Variants in APOE observed in about 807,000 individuals in gnomAD.
The protein encoded by APOE is apolipoprotein E3.
APOE carries 10 observed loss-of-function variants against 13.1 expected under a neutral mutation model. The observed-to-expected ratio is 0.76, with a 90% CI of 0.47 to 1.29. APOE has a LOEUF of 1.29. Ranked by LOEUF, APOE falls within the 50% of genes most tolerant of loss-of-function variation. The probability of loss-of-function intolerance (pLI) is 0.00; values close to 1 mark genes in which losing one functional copy is unlikely to be tolerated. For missense variants in APOE, 471 were observed against 459.6 expected, an observed-to-expected ratio of 1.02 and a Z score of -0.23; for synonymous variants, 211 against 207.1, an observed-to-expected ratio of 1.02 and a Z score of -0.16.
intron 3 of APOE, 144 bp downstream of exon 3, chr19:44,908,096 T>C (rs1969844509): frequency 1.3e-6 from 1 of 783,494 alleles, no homozygotes; most frequent in African/African-American, 1.7e-5. Context: ...TTCTGACTCC[T>C]GGCTTTAGCT....
rs758487955 is a variant in APOE, at chr19:44,909,195, A to G, written c.899A>G (p.Lys300Arg). 1.3e-6 allele frequency: 2 copies of G among 1,598,584 alleles called. No homozygotes were observed. Among genetic ancestry groups the G allele is most frequent in the South Asian group, 2.2e-5 (2 of 90,794 alleles). The change falls in exon 4 of 4, where the codon AAG becomes AGG. Residue 300 changes from lysine to arginine, a missense_variant. Physicochemically the swap from Lys to Arg is conservative, Grantham distance 26 (BLOSUM62 2). Coordinates refer to ENST00000252486, the MANE Select transcript of APOE (RefSeq NM_000041.4). ...MQRQWAGLVE[K>R]VQAAVGTSAA... ...CGCCAGTGGGCCGGGCTGGTGGAGA[A>G]GGTGCAGGCTGCCGTGGGCACCAGC...
At chr19:44,906,037 G>T in intron 1 of APOE, 196 bp downstream of exon 1, 2 of 685,624 alleles carry the variant, frequency 2.9e-6, no homozygotes, top group Non-Finnish European at 4.2e-6. Flanking sequence ...GACCCGACCC[G>T]CTAGAAGGTG....
chr19:44,907,820 A>C lies in APOE; in HGVS notation c.104A>C (p.Gln35Pro). The part of the protein sequence containing the change: ...ETEPEPELRQ[Q>P]TEWQSGQRWE... ...GAGCCGGAGCCCGAGCTGCGCCAGC[A>C]GACCGAGTGGCAGAGCGGCCAGCGC... The change falls in exon 3 of 4, where the codon CAG (glutamine) becomes CCG (proline). Residue 35 changes from glutamine (Q) to proline (P), a missense_variant. Coordinates refer to ENST00000252486, the MANE Select transcript of APOE (RefSeq NM_000041.4). This position sits in a 1 kb window ranked among gnomAD's most constrained non-coding sequence, Gnocchi z 4.1. 4 of 1,614,010 alleles carry C rather than the reference A, an allele frequency of 2.5e-6. No homozygotes were observed. The highest frequency in any genetic ancestry group is 1.1e-5 in the South Asian group (1 of 91,080).
Position 44,907,867 on chromosome 19 carries a change from T to A in APOE, c.151T>A (p.Phe51Ile). 6.2e-7 allele frequency: 1 copy of A among 1,613,434 alleles called. No individual in the cohort carries two copies. The highest frequency in any genetic ancestry group is 8.5e-7 in the Non-Finnish European group (1 of 1,179,670). Reference sequence around the variant, plus strand: ...GCGCTGGGAACTGGCACTGGGTCGCTTTTGGGATTACCTGCGCTGGGTGCA... The same window carrying A: ...GCGCTGGGAACTGGCACTGGGTCGCATTTGGGATTACCTGCGCTGGGTGCA... ...GQRWELALGR[F>I]WDYLRWVQTL... Residue 51 changes from phenylalanine (F) to isoleucine (I), a missense_variant, in exon 3 of 4, where the codon TTT (phenylalanine) becomes ATT (isoleucine). By Grantham distance (21) the Phe-to-Ile change is conservative. Transcript: ENST00000252486. The surrounding 1 kb of genome is among the most constrained non-coding windows in gnomAD (Gnocchi z 4.1).
Position 44,908,813 on chromosome 19 carries a change from C to A in APOE, c.517C>A (p.Leu173Met). The A allele has an allele frequency of 6.5e-7, 1 of 1,544,486 alleles. No individual in the cohort carries two copies. Residue 173 changes from leucine to methionine, a missense_variant, in exon 4 of 4, where the codon CTG (leucine) becomes ATG (methionine). Coordinates refer to ENST00000252486, the MANE Select transcript of APOE (RefSeq NM_000041.4). ...GCGGCTCCTCCGCGATGCCGATGACCTGCAGAAGCGCCTGGCAGTGTACCA... is the reference window on the plus strand; with the variant it reads ...GCGGCTCCTCCGCGATGCCGATGACATGCAGAAGCGCCTGGCAGTGTACCA... ...RKRLLRDADD[L>M]QKRLAVYQAG...
chr19:44,909,390 C>T lies in APOE; in HGVS notation c.*140C>T. ...TTTAATAAAGATTCACCAAGTTTCA[C>T]GCATCTGCTGGCCTCCCCCTGTGAT... is the stretch of plus-strand genomic sequence containing the variant. On this transcript the variant is annotated 3_prime_UTR_variant, in exon 4 of 4. Transcript: ENST00000252486. The T allele has an allele frequency of 5.2e-6, 4 of 771,862 alleles. No homozygotes were observed. Among genetic ancestry groups the T allele is most frequent in the South Asian group, 1.6e-5 (1 of 62,388 alleles). The allele number at this position is 771,862 out of a possible 1,614,324, so 47.8% of individuals were successfully genotyped here.
chr19:44,908,916 G>C lies in APOE; in HGVS notation c.620G>C (p.Arg207Pro), dbSNP rs1459489355. The change falls in exon 4 of 4, where the codon CGC becomes CCC. Residue 207 changes from arginine (R) to proline (P), a missense_variant. Arg to Pro is a moderately radical substitution (Grantham distance 103). Coordinates refer to ENST00000252486, the MANE Select transcript of APOE (RefSeq NM_000041.4). ...ERLGPLVEQG[R>P]VRAATVGSLA... is the part of the protein sequence containing the mutation. Reference sequence around the variant, plus strand: ...CTGGGGCCCCTGGTGGAACAGGGCCGCGTGCGGGCCGCCACTGTGGGCTCC... The same window carrying C: ...CTGGGGCCCCTGGTGGAACAGGGCCCCGTGCGGGCCGCCACTGTGGGCTCC... The C allele has an allele frequency of 6.8e-7, 1 of 1,470,416 alleles. No homozygotes were observed. The highest frequency in any genetic ancestry group is 1.3e-5 in the South Asian group (1 of 74,196). 91.1% of individuals were successfully genotyped at this position (1,470,416 alleles called of 1,614,324 possible). A position where few individuals can be genotyped will look rare whatever the true frequency, so the allele number is the denominator to read the frequency against.
At position 44,909,186 on chromosome 19, in the gene APOE, T is replaced by C. The variant is rs1039600156; in HGVS notation, c.890T>C (p.Leu297Pro). 4.4e-6 allele frequency: 7 copies of C among 1,599,286 alleles called. No homozygotes were observed. In the African/African-American group the frequency reaches 5.3e-5, roughly 12 times the overall value. The change falls in exon 4 of 4, where the codon CTG becomes CCG. Residue 297 changes from leucine (L) to proline (P), a missense_variant. Leu to Pro is a moderately conservative substitution (Grantham distance 98). Coordinates refer to ENST00000252486, the MANE Select transcript of APOE (RefSeq NM_000041.4). ...GACATGCAGCGCCAGTGGGCCGGGC[T>C]GGTGGAGAAGGTGCAGGCTGCCGTG... ...VEDMQRQWAG[L>P]VEKVQAAVGT...
intron 1 of APOE, 109 bp from the exon 2 acceptor site, chr19:44,906,493 T>C (rs1173370916): frequency 1.5e-5 from 17 of 1,122,738 alleles, no homozygotes; most frequent in Non-Finnish European, 2.2e-5. Flanking sequence ...CTGTTGCAGA[T>C]AATGCAACAA....
Position 44,908,829 on chromosome 19 carries a change from C to T in APOE, c.533C>T (p.Ala178Val). 1 of 1,537,614 alleles carries T rather than the reference C, an allele frequency of 6.5e-7. No individual in the cohort carries two copies. The change falls in exon 4 of 4, where the codon GCA becomes GTA. Residue 178 changes from alanine (A) to valine (V), a missense_variant. Ala to Val is a moderately conservative substitution (Grantham distance 64, BLOSUM62 0). Coordinates refer to ENST00000252486, the MANE Select transcript of APOE (RefSeq NM_000041.4). ...GCCGATGACCTGCAGAAGCGCCTGGCAGTGTACCAGGCCGGGGCCCGCGAG... is the reference window on the plus strand; with the variant it reads ...GCCGATGACCTGCAGAAGCGCCTGGTAGTGTACCAGGCCGGGGCCCGCGAG... ...RDADDLQKRL[A>V]VYQAGAREGA... is the part of the protein sequence containing the mutation.
rs1192584041 is a variant in APOE, at chr19:44,909,133, C to T, written c.837C>T (p.Leu279=). 1 of 1,601,172 alleles carries T rather than the reference C, an allele frequency of 6.2e-7. No individual in the cohort carries two copies. Among genetic ancestry groups the T allele is most frequent in the Non-Finnish European group, 8.5e-7 (1 of 1,178,486 alleles). The change falls in exon 4 of 4, where the codon CTC becomes CTT. Residue 279 remains leucine (L), a synonymous_variant. Transcript: ENST00000252486. ...AGGCCGAGGCCTTCCAGGCCCGCCT[C>T]AAGAGCTGGTTCGAGCCCCTGGTGG... ...RLQAEAFQAR[L]KSWFEPLVED... is the part of the protein sequence containing the mutation.
At chr19:44,908,371 G>T in intron 3 of APOE, among the ~76,000 whole-genome samples, 162 bp from the exon 4 acceptor site, 1 of 152,142 alleles carries the variant, frequency 6.6e-6, no homozygotes, top group Admixed American at 6.5e-5. Flanking sequence ...TCTGCCCTCT[G>T]CATCTGCTCT....
In APOE at chr19:44,908,671, C is replaced by G; in HGVS notation, c.375C>G (p.Asp125Glu). The part of the protein sequence containing the change: ...LQAAQARLGA[D>E]MEDVCGRLVQ... ...CGGCGCAGGCCCGGCTGGGCGCGGA[C>G]ATGGAGGACGTGTGCGGCCGCCTGG... is the stretch of plus-strand genomic sequence containing the variant. Residue 125 changes from aspartate (D) to glutamate (E), a missense_variant, in exon 4 of 4, where the codon GAC becomes GAG. Coordinates refer to ENST00000252486, the MANE Select transcript of APOE (RefSeq NM_000041.4). The G allele has an allele frequency of 6.3e-7, 1 of 1,578,796 alleles. No individual in the cohort carries two copies. The highest frequency in any genetic ancestry group is 8.6e-7 in the Non-Finnish European group (1 of 1,162,894).
Position 44,908,648 on chromosome 19 carries a change from G to A in APOE, c.352G>A (p.Ala118Thr). 2 of 1,595,912 alleles carry A rather than the reference G, an allele frequency of 1.3e-6. No homozygotes were observed. The highest frequency in any genetic ancestry group is 1.7e-6 in the Non-Finnish European group (2 of 1,171,360). The change falls in exon 4 of 4, where the codon GCG (alanine) becomes ACG (threonine). Residue 118 changes from alanine to threonine, a missense_variant. Physicochemically the swap from Ala to Thr is moderately conservative, Grantham distance 58. Coordinates refer to ENST00000252486, the MANE Select transcript of APOE (RefSeq NM_000041.4). ...ACGGCTGTCCAAGGAGCTGCAGGCG[G>A]CGCAGGCCCGGCTGGGCGCGGACAT... Reference protein sequence around the residue: ...RARLSKELQAAQARLGADMED... With the variant: ...RARLSKELQATQARLGADMED...
chr19:44,906,351 A>C lies in APOE; in HGVS notation c.-23-251A>C, dbSNP rs565782572. ...GGTGGGGAGGGGGTGGGGGGATGGAATTTGAACCCCGGGAGAGGAAGATGG... is the reference window on the plus strand; with the variant it reads ...GGTGGGGAGGGGGTGGGGGGATGGACTTTGAACCCCGGGAGAGGAAGATGG... On this transcript the variant is annotated intron_variant, in intron 1 of 3. Coordinates refer to ENST00000252486, the MANE Select transcript of APOE (RefSeq NM_000041.4). The C allele has an allele frequency of 2.4e-3, 1,285 of 525,738 alleles. 24 individuals carry two copies. The highest frequency in any genetic ancestry group is 0.023 in the South Asian group (1,163 of 50,038). 32.6% of individuals were successfully genotyped at this position (525,738 alleles called of 1,614,324 possible).
chr19:44,905,902 C>T (rs1336089822), intron 1 of APOE, 61 bp downstream of exon 1: 8 of 1,296,152 alleles, frequency 6.2e-6, no homozygotes, highest in Middle Eastern at 5.8e-4. Context: ...GAGCTGGGAC[C>T]CTGGGAACCC....
intron 1 of APOE, 186 bp downstream of exon 1, chr19:44,906,027 G>C (rs998852672): frequency 9.8e-6 from 8 of 816,012 alleles, no homozygotes; most frequent in Non-Finnish European, 1.2e-5. Context: ...CAGCAGAGAC[G>C]ACCCGACCCG....
chr19:44,907,393 T>TC lies in APOE; in HGVS notation c.44-366dup. ...GGGAGGATCACTTGAGCCCAGGAGT[T>TC]CAACACCAGCCTGGGCAACATAGTG... is the stretch of plus-strand genomic sequence containing the variant. On this transcript the variant is annotated intron_variant, in intron 2 of 3. Transcript: ENST00000252486. The surrounding 1 kb of genome is among the most constrained non-coding windows in gnomAD (Gnocchi z 4.1). 3.1e-6 allele frequency: 1 copy of TC among 320,486 alleles called. No individual in the cohort carries two copies. Among genetic ancestry groups the TC allele is most frequent in the Non-Finnish European group, 6.2e-6 (1 of 162,286 alleles). The allele number at this position is 320,486 out of a possible 1,614,324, so 19.9% of individuals were successfully genotyped here. A position where few individuals can be genotyped will look rare whatever the true frequency, so the allele number is the denominator to read the frequency against.
chr19:44,909,351 G>T lies in APOE; in HGVS notation c.*101G>T, dbSNP rs1023897724. On this transcript the variant is annotated 3_prime_UTR_variant, in exon 4 of 4. Transcript: ENST00000252486. The stretch of plus-strand genomic sequence containing the variant: ...CTGTCCCCGCCCCAGCCGTCCTCCT[G>T]GGGTGGACCCTAGTTTAATAAAGAT... 2.7e-6 allele frequency: 3 copies of T among 1,096,102 alleles called. No homozygotes were observed. Among genetic ancestry groups the T allele is most frequent in the Admixed American group, 3.8e-5 (2 of 52,086 alleles). 67.9% of individuals were successfully genotyped at this position (1,096,102 alleles called of 1,614,324 possible). A position where few individuals can be genotyped will look rare whatever the true frequency, so the allele number is the denominator to read the frequency against.
Sources: allele counts gnomAD v4.1 joint callset (sites outside exome capture counted in the v4.1 genomes callset), GRCh38; gene constraint gnomAD v4.1.1; non-coding constraint Gnocchi (gnomAD v3.1); transcripts MANE v1.5; gene names NCBI Gene and HGNC (gene_info 2026-07-23, HGNC 2026-07-21).